The following SASH1 variants were observed in gnomAD, a reference collection of about 807,000 sequenced individuals.
SASH1 encodes SAM and SH3 domain containing 1, also known as SAM and SH3 domain-containing protein 1.
In SASH1, 44 loss-of-function variants were observed where a neutral mutation model predicts 125.2. The ratio of observed to expected loss-of-function variants is 0.35; its 90% CI spans 0.28 to 0.45. The LOEUF is 0.45. SASH1 is among the 20% of genes least tolerant of loss of function. The pLI is 1.00. For missense variants in SASH1, 1,426 were observed against 1,614.5 expected, an observed-to-expected ratio of 0.88 and a Z score of 2.00; for synonymous variants, 639 against 649.1, an observed-to-expected ratio of 0.98 and a Z score of 0.24.
At chr6:148,238,638 AC>A in the SASH1 span, among the ~76,000 whole-genome samples, 1 of 136,594 alleles carries the variant, frequency 7.3e-6, no homozygotes, top group African/African-American at 2.6e-5. Flanking sequence ...ACACACACAC[AC>A]ACACACACAC....
At chr6:148,486,815 C>T (rs1457373170) in intron 7 of SASH1, among the ~76,000 whole-genome samples, 1 of 147,354 alleles carries the variant, frequency 6.8e-6, no homozygotes. Context: ...GTCCAAGCTA[C>T]CCGGGATGCT....
chr6:148,439,995 T>C (rs1325095391), intron 2 of SASH1, among the ~76,000 whole-genome samples, 189 bp from the exon 3 acceptor site: 1 of 152,158 alleles, frequency 6.6e-6, no homozygotes, highest in Admixed American at 6.5e-5. Flanking sequence ...ATTTCAATCT[T>C]AGGGGGCTAG....
chr6:148,381,482 T>C (rs1253178395), intron 1 of SASH1, among the ~76,000 whole-genome samples: 1 of 151,948 alleles, frequency 6.6e-6, no homozygotes. Flanking sequence ...AATCATTGCA[T>C]GTAAGGGTGT....
chr6:148,476,689 A>G (rs1228738994), intron 7 of SASH1, among the ~76,000 whole-genome samples: 1 of 152,046 alleles, frequency 6.6e-6, no homozygotes, highest in African/African-American at 2.4e-5. Flanking sequence ...CCCAACCCCC[A>G]AAAAAAGGAA....
At chr6:148,373,769 G>C (rs1352645733) in intron 1 of SASH1, among the ~76,000 whole-genome samples, 1 of 152,114 alleles carries the variant, frequency 6.6e-6, no homozygotes. Flanking sequence ...TCAGGAGTTC[G>C]AGACCAGCCT....
At chr6:148,277,395 G>A (rs554825211) in intron 1 of SASH1, among the ~76,000 whole-genome samples, 4 of 152,320 alleles carry the variant, frequency 2.6e-5, no homozygotes, top group Admixed American at 2.0e-4. Context: ...TGGGTTCACC[G>A]TGCTCCGACC....
chr6:148,244,893 A>G, the SASH1 span, among the ~76,000 whole-genome samples: 2 of 137,630 alleles, frequency 1.5e-5, no homozygotes, highest in African/African-American at 2.8e-5. Context: ...CTGGGGCCTG[A>G]GGCCTGGGGC....
intron 17 of SASH1, among the ~76,000 whole-genome samples, 183 bp from the exon 18 acceptor site, chr6:148,543,497 T>C (rs1413336365): frequency 1.3e-5 from 2 of 152,168 alleles, no homozygotes; most frequent in Non-Finnish European, 2.9e-5. Context: ...TTTCTAAAAA[T>C]AAAAATGGAA....
At chr6:148,387,566 C>CTT (rs1783441402) in intron 1 of SASH1, among the ~76,000 whole-genome samples, 2 of 70,040 alleles carry the variant, frequency 2.9e-5, no homozygotes, top group East Asian at 4.1e-4. Flanking sequence ...TCTTTCTTTT[C>CTT]TCTTTCTTTC....
chr6:148,482,211 A>G (rs1484169158), intron 7 of SASH1, among the ~76,000 whole-genome samples: 1 of 152,254 alleles, frequency 6.6e-6, no homozygotes, highest in Non-Finnish European at 1.5e-5. Context: ...GATAATACTC[A>G]GCATTGATGA....
At chr6:148,400,741 A>C (rs1344617952) in intron 2 of SASH1, among the ~76,000 whole-genome samples, 1 of 152,114 alleles carries the variant, frequency 6.6e-6, no homozygotes, top group Admixed American at 6.5e-5. Context: ...ACAGAGTGAG[A>C]CTTTGTCTGG....
At position 148,474,118 on chromosome 6, in the gene SASH1, G is replaced by T. The variant is rs759775810; in HGVS notation, c.523G>T (p.Val175Phe). ...TTGTCCTCAATCTCCAGGAGAAGACGTTGGTTATGTTGCCAGTGAAATAAC... is the reference window on the plus strand; with the variant it reads ...TTGTCCTCAATCTCCAGGAGAAGACTTTGGTTATGTTGCCAGTGAAATAAC... ...IMRQTSKGED[V>F]GYVASEITMS... Residue 175 changes from valine (V) to phenylalanine (F), a missense_variant, in exon 7 of 20, where the codon GTT becomes TTT. Val to Phe is a conservative substitution (Grantham distance 50). This residue lies in a region of SASH1 where 567 missense variants were observed against 575.6 expected (regional missense o/e 0.99). Transcript: ENST00000367467. 3 of 1,608,422 alleles carry T rather than the reference G, an allele frequency of 1.9e-6. No homozygotes were observed.
chr6:148,196,757 T>C, the SASH1 span, among the ~76,000 whole-genome samples: 17 of 152,194 alleles, frequency 1.1e-4, no homozygotes, highest in Non-Finnish European at 2.4e-4. Flanking sequence ...TAATATATAA[T>C]TGAGTGGCAG....
the SASH1 span, among the ~76,000 whole-genome samples, chr6:148,236,977 T>C: frequency 6.6e-6 from 1 of 152,206 alleles, no homozygotes; most frequent in Non-Finnish European, 1.5e-5. Flanking sequence ...CCTTCCACCA[T>C]GCTATGACAG....
chr6:148,250,138 C>T, the SASH1 span, among the ~76,000 whole-genome samples: 3 of 152,180 alleles, frequency 2.0e-5, no homozygotes. Context: ...CTGCCCTCAT[C>T]CCTCTGGCAT....
intron 10 of SASH1, among the ~76,000 whole-genome samples, chr6:148,523,479 A>G: frequency 6.6e-6 from 1 of 152,228 alleles, no homozygotes. Flanking sequence ...AGTTAAGCTG[A>G]CGATAAGAGA....
At chr6:148,531,783 G>T in intron 13 of SASH1, 122 bp downstream of exon 13, 1 of 773,894 alleles carries the variant, frequency 1.3e-6, no homozygotes, top group East Asian at 3.3e-5. Context: ...GGTGCTATTA[G>T]AGAATCAGAC....
chr6:148,378,243 G>A (rs376343606), intron 1 of SASH1, among the ~76,000 whole-genome samples: 2 of 151,984 alleles, frequency 1.3e-5, no homozygotes, highest in African/African-American at 4.8e-5. Flanking sequence ...CAGTAAAGGC[G>A]GGGTTTCACC....
chr6:148,481,326 G>A (rs542496146), intron 7 of SASH1, among the ~76,000 whole-genome samples: 1 of 152,234 alleles, frequency 6.6e-6, no homozygotes, highest in East Asian at 1.9e-4. Context: ...CTTTCTCCAT[G>A]TCAGCAATAA....
Sources: gnomAD v4.1 joint callset for allele counts (sites outside exome capture counted in the v4.1 genomes callset) on GRCh38, gnomAD v4.1.1 for gene constraint, gnomAD v4.1.1 regional missense constraint, MANE v1.5 for transcripts, NCBI Gene and HGNC (gene_info 2026-07-23, HGNC 2026-07-21) for gene names.